REDIC1: variants seen among roughly 807,000 people sequenced by gnomAD.
REDIC1 encodes regulator of DNA class I crossover intermediates 1, also known as HEI10 Interacting Protein 1.
At chr12:39,904,606 C>T in the REDIC1 span, among the ~76,000 whole-genome samples, 1 of 152,092 alleles carries the variant, frequency 6.6e-6, no homozygotes, top group African/African-American at 2.4e-5. Flanking sequence ...GATATCCACA[C>T]AGATGTTGCA....
At chr12:39,690,172 A>T in the REDIC1 span, among the ~76,000 whole-genome samples, 1 of 152,174 alleles carries the variant, frequency 6.6e-6, no homozygotes, top group South Asian at 2.1e-4. Flanking sequence ...TAAAATTAAA[A>T]CAGGTAGATT....
At chr12:39,805,724 G>C in the REDIC1 span, among the ~76,000 whole-genome samples, 1 of 152,160 alleles carries the variant, frequency 6.6e-6, no homozygotes. Context: ...GGGAGTTGGA[G>C]GAGGGGCACT....
chr12:39,638,629 C>G, the REDIC1 span, among the ~76,000 whole-genome samples: 1 of 151,920 alleles, frequency 6.6e-6, no homozygotes, highest in African/African-American at 2.4e-5. Context: ...TGACTATATT[C>G]GGGACAATAT....
At chr12:39,711,922 CAT>C in the REDIC1 span, among the ~76,000 whole-genome samples, 1 of 119,390 alleles carries the variant, frequency 8.4e-6, no homozygotes, top group Admixed American at 8.0e-5. Context: ...TATACACATA[CAT>C]GTCTATATGT....
At chr12:39,904,355 G>T in the REDIC1 span, among the ~76,000 whole-genome samples, 1 of 152,080 alleles carries the variant, frequency 6.6e-6, no homozygotes, top group African/African-American at 2.4e-5. Context: ...TTGCCATTTA[G>T]GAAAAGTTTT....
chr12:39,690,577 T>C, the REDIC1 span, among the ~76,000 whole-genome samples: 5 of 152,186 alleles, frequency 3.3e-5, no homozygotes. Flanking sequence ...AATTAATATA[T>C]TGAATATGAA....
At chr12:39,799,356 TACCTCG>T in the REDIC1 span, among the ~76,000 whole-genome samples, 1 of 150,290 alleles carries the variant, frequency 6.7e-6, no homozygotes, top group Admixed American at 6.7e-5. Context: ...GTGATCTGCC[TACCTCG>T]ACCTTCCAAA....
At chr12:39,829,368 A>T in the REDIC1 span, 1 of 148,246 alleles carries the variant, frequency 6.7e-6, no homozygotes. Flanking sequence ...AAGTTCCATA[A>T]AAGAATGTAA....
At chr12:39,633,991 G>A in the REDIC1 span, among the ~76,000 whole-genome samples, 2 of 152,128 alleles carry the variant, frequency 1.3e-5, no homozygotes, top group Admixed American at 6.5e-5. Flanking sequence ...GCTTGAGGGG[G>A]ATAGCACTGA....
chr12:39,815,341 T>C, the REDIC1 span, among the ~76,000 whole-genome samples: 168 of 152,332 alleles, frequency 1.1e-3, 4 homozygotes, highest in East Asian at 0.029. Flanking sequence ...TGTTAACTAT[T>C]GTCATTTCTA....
the REDIC1 span, among the ~76,000 whole-genome samples, chr12:39,765,348 G>A: frequency 6.6e-6 from 1 of 151,998 alleles, no homozygotes; most frequent in Non-Finnish European, 1.5e-5. Context: ...ATTCCAAATA[G>A]CCCTCTCCCT....
At chr12:39,700,969 C>G in the REDIC1 span, among the ~76,000 whole-genome samples, 2 of 152,034 alleles carry the variant, frequency 1.3e-5, no homozygotes, top group African/African-American at 4.8e-5. Flanking sequence ...CCGGTACCAG[C>G]CACTGCAAAA....
the REDIC1 span, among the ~76,000 whole-genome samples, chr12:39,741,874 A>C: frequency 6.6e-6 from 1 of 152,220 alleles, no homozygotes; most frequent in Admixed American, 6.5e-5. Context: ...CAGCCACAAC[A>C]TACTGGGTCA....
At chr12:39,896,333 T>A in the REDIC1 span, among the ~76,000 whole-genome samples, 3 of 142,434 alleles carry the variant, frequency 2.1e-5, no homozygotes, top group Admixed American at 7.1e-5. Flanking sequence ...TATGTGTATA[T>A]ATGTATACAT....
the REDIC1 span, among the ~76,000 whole-genome samples, chr12:39,718,402 G>A: frequency 6.6e-6 from 1 of 152,122 alleles, no homozygotes; most frequent in South Asian, 2.1e-4. Flanking sequence ...TACTGGCAAA[G>A]CACTTACTGA....
chr12:39,626,454 G>C, the REDIC1 span: 2 of 1,504,096 alleles, frequency 1.3e-6, no homozygotes, highest in South Asian at 1.2e-5. Flanking sequence ...TAGCTGGAAA[G>C]AACTTGGTAG....
chr12:39,828,299 G>T, the REDIC1 span, among the ~76,000 whole-genome samples: 4 of 151,880 alleles, frequency 2.6e-5, no homozygotes, highest in Non-Finnish European at 5.9e-5. Flanking sequence ...CTATTGTAAG[G>T]ATATGCTGTG....
At chr12:39,814,869 AATCG>A in the REDIC1 span, among the ~76,000 whole-genome samples, 1 of 152,318 alleles carries the variant, frequency 6.6e-6, no homozygotes, top group African/African-American at 2.4e-5. Flanking sequence ...ATGCATTATC[AATCG>A]CTTTATCCTC....
chr12:39,636,302 C>T, the REDIC1 span, among the ~76,000 whole-genome samples: 3,086 of 152,068 alleles, frequency 0.02, 41 homozygotes, highest in South Asian at 0.029. Flanking sequence ...ATTGGTTTAA[C>T]GTTTTTTTCC....
Sources: gnomAD v4.1 joint callset for allele counts (sites outside exome capture counted in the v4.1 genomes callset) on GRCh38, gnomAD v4.1.1 for gene constraint, MANE v1.5 for transcripts, NCBI Gene and HGNC (gene_info 2026-07-23, HGNC 2026-07-21) for gene names.